The following CYP2B6 variants were observed in gnomAD, a reference collection of about 807,000 sequenced individuals.
CYP2B6 encodes the protein cytochrome P450 family 2 subfamily B member 6.
A neutral mutation model predicts 43.4 loss-of-function variants in CYP2B6; 35 were observed. That is an observed-to-expected ratio of 0.81 (90% confidence interval 0.62 to 1.07). The LOEUF is 1.07. Among genes scored for constraint, CYP2B6 ranks in the 50% least tolerant of loss-of-function variants. The pLI is 0.00. For synonymous variants in CYP2B6, 239 were observed against 239.2 expected (o/e 1.00, Z 0.01); for missense variants, 624 against 632.8 (o/e 0.99, Z 0.15).
intron 1 of CYP2B6, 36 bp from the exon 2 acceptor site, chr19:41,003,965 A>T: frequency 1.9e-6 from 3 of 1,604,062 alleles, no homozygotes; most frequent in Non-Finnish European, 2.6e-6. Context: ...GTGTATGCTG[A>T]CTAACAGCCA....
intron 5 of CYP2B6, 64 bp from the exon 6 acceptor site, chr19:41,009,930 G>C (rs1325328644): frequency 6.2e-7 from 1 of 1,605,052 alleles, no homozygotes; most frequent in Non-Finnish European, 8.5e-7. Flanking sequence ...AGGGAGATGG[G>C]CGTATACACA....
At chr19:41,015,924 C>A (rs1335349300) in intron 8 of CYP2B6, among the ~76,000 whole-genome samples, 1 of 151,990 alleles carries the variant, frequency 6.6e-6, no homozygotes, top group East Asian at 1.9e-4. Flanking sequence ...GAGGGAGGTG[C>A]CATTCTCCCC....
At chr19:40,996,274 A>C (rs1471085147) in intron 1 of CYP2B6, among the ~76,000 whole-genome samples, 2 of 152,144 alleles carry the variant, frequency 1.3e-5, no homozygotes, top group Non-Finnish European at 2.9e-5. Flanking sequence ...CTATTAGGTT[A>C]TAGTTGATTT....
At chr19:41,009,785 T>G (rs35227191) in intron 5 of CYP2B6, 164 of 623,904 alleles carry the variant, frequency 2.6e-4, no homozygotes, top group Non-Finnish European at 4.1e-4. Flanking sequence ...TGGAGAGAGA[T>G]AGAAACAGAG....
intron 1 of CYP2B6, among the ~76,000 whole-genome samples, chr19:40,992,149 C>A (rs1391718826): frequency 6.7e-6 from 1 of 148,474 alleles, no homozygotes; most frequent in East Asian, 2.0e-4. Context: ...TTGCAGTGAG[C>A]CAAAATCTTA....
At chr19:40,994,218 G>A (rs1169670012) in intron 1 of CYP2B6, among the ~76,000 whole-genome samples, 1 of 152,106 alleles carries the variant, frequency 6.6e-6, no homozygotes, top group Non-Finnish European at 1.5e-5. Context: ...GAAACTCTCA[G>A]GGAAACAATT....
At chr19:41,007,216 G>C in intron 4 of CYP2B6, 151 bp downstream of exon 4, 1 of 760,246 alleles carries the variant, frequency 1.3e-6, no homozygotes, top group Non-Finnish European at 2.2e-6. Context: ...TGGAGACCTG[G>C]AGGGAGGAGA....
chr19:40,992,442 C>G (rs2144655004), intron 1 of CYP2B6, among the ~76,000 whole-genome samples: 1 of 152,148 alleles, frequency 6.6e-6, no homozygotes, highest in Non-Finnish European at 1.5e-5. Flanking sequence ...TGATTCTTTA[C>G]CTTTTCTTCA....
At position 41,006,960 on chromosome 19, in the gene CYP2B6, C is replaced by T; in HGVS notation, c.540C>T (p.Cys180=). 1 of 1,614,086 alleles carries T rather than the reference C, an allele frequency of 6.2e-7. No individual in the cohort carries two copies. The highest frequency in any genetic ancestry group is 1.1e-5 in the South Asian group (1 of 91,082). The change falls in exon 4 of 9, where the codon TGC becomes TGT. Residue 180 remains cysteine, a synonymous_variant. Coordinates refer to ENST00000324071, the MANE Select transcript of CYP2B6 (RefSeq NM_000767.5). ...LFQSITANII[C]SIVFGKRFHY... The stretch of plus-strand genomic sequence containing the variant: ...AGTCCATTACCGCCAACATCATCTG[C>T]TCCATCGTCTTTGGAAAACGATTCC...
chr19:40,997,377 C>T (rs1188697057), intron 1 of CYP2B6, among the ~76,000 whole-genome samples: 3 of 152,052 alleles, frequency 2.0e-5, no homozygotes, highest in Non-Finnish European at 4.4e-5. Context: ...ACTGACAATA[C>T]CTTCCAGCTC....
At chr19:41,016,446 A>AGAGAG (rs1374829336) in intron 8 of CYP2B6, among the ~76,000 whole-genome samples, 200 bp from the exon 9 acceptor site, 6 of 146,658 alleles carry the variant, frequency 4.1e-5, no homozygotes, top group East Asian at 2.0e-4. Flanking sequence ...AGAGAGAGAG[A>AGAGAG]AATGAACGTG....
chr19:41,012,772 T>C lies in CYP2B6; in HGVS notation c.1251T>C (p.Asn417=), dbSNP rs1248271457. 6.2e-7 allele frequency: 1 copy of C among 1,614,040 alleles called. No individual in the cohort carries two copies. Among genetic ancestry groups the C allele is most frequent in the Non-Finnish European group, 8.5e-7 (1 of 1,180,038 alleles). Residue 417 remains asparagine (N), a synonymous_variant, in exon 8 of 9, where the codon AAT becomes AAC. Coordinates refer to ENST00000324071, the MANE Select transcript of CYP2B6 (RefSeq NM_000767.5). Reference sequence around the variant, plus strand: ...ATCCTGACCACTTTCTGGATGCCAATGGGGCACTGAAAAAGACTGAAGCTT... The same window carrying C: ...ATCCTGACCACTTTCTGGATGCCAACGGGGCACTGAAAAAGACTGAAGCTT... ...AFNPDHFLDA[N]GALKKTEAFI... is the part of the protein sequence containing the mutation.
chr19:41,016,032 A>G (rs183525325), intron 8 of CYP2B6, among the ~76,000 whole-genome samples: 205 of 151,590 alleles, frequency 1.4e-3, no homozygotes, highest in African/African-American at 4.8e-3. Context: ...AGAACCAGAA[A>G]TGGGTCATTA....
At chr19:41,007,291 A>C in intron 4 of CYP2B6, 3 of 558,514 alleles carry the variant, frequency 5.4e-6, no homozygotes, top group Non-Finnish European at 9.7e-6. Flanking sequence ...GCAGAAATAG[A>C]GTCAGAGAGA....
At chr19:41,001,658 C>A (rs1168808188) in intron 1 of CYP2B6, among the ~76,000 whole-genome samples, 4 of 152,096 alleles carry the variant, frequency 2.6e-5, no homozygotes, top group Non-Finnish European at 5.9e-5. Flanking sequence ...TAAATGGCAA[C>A]TACCTTGATC....
intron 8 of CYP2B6, among the ~76,000 whole-genome samples, chr19:41,014,680 C>T (rs897037419): frequency 7.2e-5 from 11 of 151,844 alleles, no homozygotes; most frequent in Non-Finnish European, 1.3e-4. Flanking sequence ...GATAATGAGA[C>T]TGAGAAACAG....
At chr19:41,007,166 A>G (rs1969204629) in intron 4 of CYP2B6, 101 bp downstream of exon 4, 47 of 1,218,586 alleles carry the variant, frequency 3.9e-5, no homozygotes, top group Non-Finnish European at 5.7e-5. Flanking sequence ...AATGCAGCTT[A>G]TCCTTGGAAG....
chr19:40,995,001 C>G (rs749802657), intron 1 of CYP2B6, among the ~76,000 whole-genome samples: 2 of 151,920 alleles, frequency 1.3e-5, no homozygotes, highest in African/African-American at 4.8e-5. Context: ...GATTTTGGGG[C>G]GTTGGTTCAG....
rs774036855 is a variant in CYP2B6, at chr19:41,004,368, G to C, written c.406G>C (p.Gly136Arg). The change falls in exon 3 of 9, where the codon GGG becomes CGG. Residue 136 changes from glycine to arginine, a missense_variant. Coordinates refer to ENST00000324071, the MANE Select transcript of CYP2B6 (RefSeq NM_000767.5). ...RFSVTTMRDF[G>R]MGKRSVEERI... ...CTCTGTGACCACTATGAGGGACTTC[G>C]GGATGGGAAAGCGGAGTGTGGAGGA... is the stretch of plus-strand genomic sequence containing the variant. 7 of 1,613,992 alleles carry C rather than the reference G, an allele frequency of 4.3e-6. No homozygotes were observed. Among genetic ancestry groups the C allele is most frequent in the Non-Finnish European group, 5.1e-6 (6 of 1,180,010 alleles).
Sources: gnomAD v4.1 joint callset for allele counts (sites outside exome capture counted in the v4.1 genomes callset) on GRCh38, gnomAD v4.1.1 for gene constraint, MANE v1.5 for transcripts, NCBI Gene and HGNC (gene_info 2026-07-23, HGNC 2026-07-21) for gene names.